TTC21B: variants seen among roughly 807,000 people sequenced by gnomAD.
The protein encoded by TTC21B is tetratricopeptide repeat protein 21B.
Under a neutral mutation model 175.1 loss-of-function variants are expected in TTC21B, and 127 were observed. The ratio of observed to expected loss-of-function variants is 0.73; its 90% CI spans 0.63 to 0.84. The LOEUF (loss-of-function observed/expected upper bound fraction) is 0.84. TTC21B is among the 40% of genes least tolerant of loss of function. The pLI is 0.00. For missense variants in TTC21B, 1,561 were observed against 1,558.3 expected, an observed-to-expected ratio of 1.00 and a Z score of -0.03; for synonymous variants, 524 against 524.5, an observed-to-expected ratio of 1.00 and a Z score of 0.01.
intron 22 of TTC21B, among the ~76,000 whole-genome samples, chr2:165,897,878 G>A (rs1013919990): frequency 6.6e-6 from 1 of 152,150 alleles, no homozygotes; most frequent in Non-Finnish European, 1.5e-5. Flanking sequence ...ATTGTGGAAG[G>A]GAATAAACTG....
chr2:165,877,584 GT>G (rs1354615594), intron 27 of TTC21B, among the ~76,000 whole-genome samples: 2 of 152,126 alleles, frequency 1.3e-5, no homozygotes, highest in Non-Finnish European at 2.9e-5. Context: ...TACCACCTAG[GT>G]TTGTGTAAGT....
intron 22 of TTC21B, among the ~76,000 whole-genome samples, chr2:165,896,740 G>A (rs1442920399): frequency 6.6e-6 from 1 of 152,112 alleles, no homozygotes; most frequent in Non-Finnish European, 1.5e-5. Flanking sequence ...AATTGGCTTG[G>A]GCTTTTGCCT....
chr2:165,904,104 G>T (rs1685651419), intron 19 of TTC21B, among the ~76,000 whole-genome samples: 1 of 152,054 alleles, frequency 6.6e-6, no homozygotes, highest in Non-Finnish European at 1.5e-5. Flanking sequence ...ATGGGACCAT[G>T]GTGACTGGGA....
intron 12 of TTC21B, among the ~76,000 whole-genome samples, chr2:165,922,469 A>T (rs190865535): frequency 1.7e-3 from 261 of 152,036 alleles, no homozygotes; most frequent in African/African-American, 5.8e-3. Flanking sequence ...AAACATTTTT[A>T]AAAAATGCTC....
intron 24 of TTC21B, among the ~76,000 whole-genome samples, chr2:165,889,631 T>C (rs948880205): frequency 6.6e-5 from 10 of 152,174 alleles, no homozygotes; most frequent in African/African-American, 2.4e-4. Flanking sequence ...CTGCTCTAAC[T>C]GGTCTCGGTA....
intron 22 of TTC21B, among the ~76,000 whole-genome samples, chr2:165,897,578 T>G (rs1685413325): frequency 6.6e-6 from 1 of 152,164 alleles, no homozygotes; most frequent in East Asian, 1.9e-4. Context: ...CCTAGACATC[T>G]GAGTGGGAAT....
chr2:165,878,651 C>A (rs1684746440), intron 27 of TTC21B, among the ~76,000 whole-genome samples: 1 of 150,966 alleles, frequency 6.6e-6, no homozygotes, highest in South Asian at 2.1e-4. Context: ...ATATTCAACC[C>A]TGAATTCTAT....
intron 3 of TTC21B, chr2:165,947,728 C>T (rs1687634221): frequency 6.6e-6 from 1 of 152,072 alleles, no homozygotes; most frequent in African/African-American, 2.4e-5. Flanking sequence ...CATCAGCATC[C>T]TGGAAGGAAT....
intron 6 of TTC21B, among the ~76,000 whole-genome samples, chr2:165,938,366 C>A (rs530363914): frequency 6.6e-6 from 1 of 152,078 alleles, no homozygotes; most frequent in East Asian, 1.9e-4. Flanking sequence ...TCAAATGCAA[C>A]CCTACTATAA....
rs1178070167 is a variant in TTC21B, at chr2:165,888,450, A to G, written c.3288T>C (p.Ser1096=). 3 of 1,613,728 alleles carry G rather than the reference A, an allele frequency of 1.9e-6. No individual in the cohort carries two copies. Among genetic ancestry groups the G allele is most frequent in the Admixed American group, 3.3e-5 (2 of 60,004 alleles). The part of the protein sequence containing the change: ...DLGNSTEKQE[S]VQLAVRTAEK... ...CTGCTGTTCTTACTGCCAGTTGCAC[A>G]GATTCTTGCTTCTCAGTTGAATTAC... is the stretch of plus-strand genomic sequence containing the variant. The change falls in exon 25 of 29, where the codon TCT becomes TCC. Residue 1096 remains serine (S), a synonymous_variant. Coordinates refer to ENST00000243344, the MANE Select transcript of TTC21B (RefSeq NM_024753.5).
intron 18 of TTC21B, among the ~76,000 whole-genome samples, chr2:165,909,316 G>A (rs997435000): frequency 2.0e-5 from 3 of 151,994 alleles, no homozygotes. Context: ...GTTTCATAAC[G>A]TTAGGATTAG....
chr2:165,930,722 T>C (rs1686858299), intron 8 of TTC21B, among the ~76,000 whole-genome samples: 2 of 86,102 alleles, frequency 2.3e-5, no homozygotes, highest in South Asian at 4.8e-4. Flanking sequence ...TATGGTTACG[T>C]GGGTATGGGG....
chr2:165,944,642 G>T (rs1687486593), intron 4 of TTC21B, among the ~76,000 whole-genome samples: 1 of 152,102 alleles, frequency 6.6e-6, no homozygotes, highest in Non-Finnish European at 1.5e-5. Flanking sequence ...GTCTTCAATA[G>T]CCTCTCAATG....
chr2:165,901,767 A>T lies in TTC21B; in HGVS notation c.2712T>A (p.Ile904=), dbSNP rs1225491067. The T allele has an allele frequency of 1.2e-6, 2 of 1,614,136 alleles. No individual in the cohort carries two copies. The highest frequency in any genetic ancestry group is 8.5e-7 in the Non-Finnish European group (1 of 1,180,002). Reference sequence around the variant, plus strand: ...GAACCAGAGCCTCTCTATAAAACTTAATTGCTTTTTCATAGTCTCGCTGAG... The same window carrying T: ...GAACCAGAGCCTCTCTATAAAACTTTATTGCTTTTTCATAGTCTCGCTGAG... The part of the protein sequence containing the change: ...SVAQRDYEKA[I]KFYREALVHC... Residue 904 remains isoleucine, a synonymous_variant, in exon 20 of 29, where the codon ATT becomes ATA. Coordinates refer to ENST00000243344, the MANE Select transcript of TTC21B (RefSeq NM_024753.5).
At position 165,936,070 on chromosome 2, in the gene TTC21B, TA is replaced by T. The variant is rs571429004; in HGVS notation, c.711-3014del. On this transcript the variant is annotated intron_variant, in intron 6 of 28. Transcript: ENST00000243344. ...CATTAGTTGACCTCAAGACTTACTA[TA>T]AAGCTTCAGTAATCAAGAGAGTAGT... is the stretch of plus-strand genomic sequence containing the variant. Among the ~76,000 whole-genome samples the T allele has an allele frequency of 2.0e-3, 305 of 151,444 alleles. 1 individual carries two copies. Among genetic ancestry groups the T allele is most frequent in the African/African-American group, 7.3e-3 (301 of 41,498 alleles).
chr2:165,923,191 T>C (rs1309075808), intron 12 of TTC21B, among the ~76,000 whole-genome samples: 1 of 151,870 alleles, frequency 6.6e-6, no homozygotes, highest in Admixed American at 6.6e-5. Flanking sequence ...CACTATACAA[T>C]TCATCCATGT....
intron 22 of TTC21B, among the ~76,000 whole-genome samples, chr2:165,894,036 CTA>C (rs1685280871): frequency 1.3e-5 from 2 of 152,072 alleles, no homozygotes; most frequent in Admixed American, 6.6e-5. Flanking sequence ...TATGCTAGTC[CTA>C]TGATGACCTG....
rs5836060 is a variant in TTC21B at position 165,875,272 on chromosome 2, G to GT, written c.3874-441dup. Among the ~76,000 whole-genome samples, 24 of 150,150 alleles carry GT rather than the reference G, an allele frequency of 1.6e-4. 1 individual carries two copies. Among genetic ancestry groups the GT allele is most frequent in the South Asian group, 8.4e-4 (4 of 4,748 alleles). On this transcript the variant is annotated intron_variant, in intron 28 of 28. Transcript: ENST00000243344. ...TGAGTCTAAGAGTGGGGAGATGCTA[G>GT]TTTTTTTTTTTAACTCCAAAAATGA...
chr2:165,874,719 T>C lies in TTC21B; in HGVS notation c.*36A>G. The C allele has an allele frequency of 6.3e-7, 1 of 1,574,854 alleles. No individual in the cohort carries two copies. On this transcript the variant is annotated 3_prime_UTR_variant, in exon 29 of 29. Coordinates refer to ENST00000243344, the MANE Select transcript of TTC21B (RefSeq NM_024753.5). ...AGAACTGAAAGTTAGATTTCTTTCA[T>C]TTCCTGTTAAACCAACACCTAAGTT...
Sources: allele counts gnomAD v4.1 joint callset (sites outside exome capture counted in the v4.1 genomes callset), GRCh38; gene constraint gnomAD v4.1.1; transcripts MANE v1.5; gene names NCBI Gene and HGNC (gene_info 2026-07-23, HGNC 2026-07-21).